The following MAPK4 variants were observed in gnomAD, a reference collection of about 807,000 sequenced individuals.
MAPK4 encodes the protein mitogen-activated protein kinase 4.
A neutral mutation model predicts 47.7 loss-of-function variants in MAPK4; 22 were observed. The ratio of observed to expected loss-of-function variants is 0.46; its 90% CI spans 0.33 to 0.66. The LOEUF (loss-of-function observed/expected upper bound fraction) is 0.66. Ranked by LOEUF, MAPK4 falls within the 30% of genes least tolerant of loss-of-function variation. The pLI, the probability that MAPK4 is intolerant of heterozygous loss-of-function variation, is 0.02. For synonymous variants in MAPK4, 390 were observed against 365.7 expected, an observed-to-expected ratio of 1.07 and a Z score of -0.76; for missense variants, 736 against 831.7, an observed-to-expected ratio of 0.88 and a Z score of 1.42.
At chr18:50,574,911 A>G (rs1305794053) in intron 1 of MAPK4, among the ~76,000 whole-genome samples, 3 of 152,194 alleles carry the variant, frequency 2.0e-5, no homozygotes, top group African/African-American at 7.2e-5. Context: ...GGAGGGATTA[A>G]TGGTAATTTT....
chr18:50,570,888 T>C (rs1230078887), intron 1 of MAPK4, among the ~76,000 whole-genome samples: 5 of 152,170 alleles, frequency 3.3e-5, no homozygotes, highest in Non-Finnish European at 7.3e-5. Flanking sequence ...GAACTTCTCA[T>C]CCTCCACCTT....
rs548304125 is a variant in MAPK4 at position 50,604,094 on chromosome 18, C to T, written c.-871+43851C>T. ...GAGTCATAGAAGTATAAGGACAAGACAAGAAAAAAAACTCAAATTCTGGGA... is the reference window on the plus strand; with the variant it reads ...GAGTCATAGAAGTATAAGGACAAGATAAGAAAAAAAACTCAAATTCTGGGA... On this transcript the variant is annotated intron_variant, in intron 1 of 5. Transcript: ENST00000400384. 2.2e-3 allele frequency among the ~76,000 whole-genome samples: 331 copies of T among 151,906 alleles called. 5 individuals carry two copies. Among genetic ancestry groups the T allele is most frequent in the Admixed American group, 0.02 (299 of 15,274 alleles).
chr18:50,682,829 C>A (rs187300063), intron 2 of MAPK4, among the ~76,000 whole-genome samples: 9 of 152,274 alleles, frequency 5.9e-5, no homozygotes, highest in Admixed American at 3.9e-4. Context: ...TAAAAGCTAC[C>A]CAAATGTCCA....
intron 1 of MAPK4, among the ~76,000 whole-genome samples, chr18:50,606,397 GT>G (rs1343496046): frequency 6.6e-6 from 1 of 150,848 alleles, no homozygotes; most frequent in African/African-American, 2.5e-5. Context: ...CCTGTTCAAA[GT>G]AGTGCTTGAG....
chr18:50,619,986 C>T (rs1435086960), intron 1 of MAPK4, among the ~76,000 whole-genome samples: 3 of 152,232 alleles, frequency 2.0e-5, no homozygotes, highest in African/African-American at 7.2e-5. Flanking sequence ...ATTGGCTCCC[C>T]CAAGGAAATG....
chr18:50,662,954 G>A (rs1000116454), intron 1 of MAPK4, 135 bp from the exon 2 acceptor site: 3 of 152,256 alleles, frequency 2.0e-5, no homozygotes, highest in African/African-American at 7.2e-5. Flanking sequence ...GCAAAGCCCC[G>A]GAATCCCCTG....
intron 1 of MAPK4, among the ~76,000 whole-genome samples, chr18:50,609,340 C>T (rs1325859253): frequency 1.5e-4 from 23 of 151,066 alleles, no homozygotes; most frequent in Non-Finnish European, 2.4e-4. Flanking sequence ...GGCGGCCGGG[C>T]GGAGGCGCCC....
At position 50,712,780 on chromosome 18, in the gene MAPK4, CAG is replaced by C. The variant is rs1910446522; in HGVS notation, c.547-2295_547-2294del. Among the ~76,000 whole-genome samples the C allele has an allele frequency of 2.0e-5, 3 of 152,304 alleles. No homozygotes were observed. The South Asian group carries it at 6.2e-4, about 32-fold the overall frequency. On this transcript the variant is annotated intron_variant, in intron 2 of 5. Transcript: ENST00000400384. Reference sequence around the variant, plus strand: ...CATAAAAGACTGTGCATTTACATATCAGAGAAAACTCCCCTGAAGCTACCTCC... The same window carrying C: ...CATAAAAGACTGTGCATTTACATATCAGAAAACTCCCCTGAAGCTACCTCC...
intron 3 of MAPK4, among the ~76,000 whole-genome samples, chr18:50,715,429 A>G (rs1308808524): frequency 2.2e-4 from 33 of 152,222 alleles, no homozygotes; most frequent in Non-Finnish European, 4.4e-5. Flanking sequence ...CCTTTTGAGC[A>G]CAGAAGTTTT....
At chr18:50,660,591 G>C (rs2043159844) in intron 1 of MAPK4, among the ~76,000 whole-genome samples, 1 of 152,182 alleles carries the variant, frequency 6.6e-6, no homozygotes, top group Non-Finnish European at 1.5e-5. Flanking sequence ...TAACAGCCCA[G>C]GCTAATGTAT....
At chr18:50,645,082 G>C (rs565734292) in intron 1 of MAPK4, among the ~76,000 whole-genome samples, 64 of 152,224 alleles carry the variant, frequency 4.2e-4, no homozygotes, top group Non-Finnish European at 7.5e-4. Context: ...GGGTGGCTGG[G>C]AGAGAGTGGC....
chr18:50,638,231 A>G (rs1164824714), intron 1 of MAPK4, among the ~76,000 whole-genome samples: 1 of 152,230 alleles, frequency 6.6e-6, no homozygotes, highest in Admixed American at 6.5e-5. Flanking sequence ...TCTCTGCCTC[A>G]TTTTAGATTG....
chr18:50,569,501 A>G (rs903122413), intron 1 of MAPK4, among the ~76,000 whole-genome samples: 1 of 152,210 alleles, frequency 6.6e-6, no homozygotes, highest in African/African-American at 2.4e-5. Flanking sequence ...AGATGACATG[A>G]AGCCAGACTA....
At chr18:50,712,236 G>A (rs1206636223) in intron 2 of MAPK4, among the ~76,000 whole-genome samples, 2 of 152,136 alleles carry the variant, frequency 1.3e-5, no homozygotes, top group East Asian at 3.9e-4. Flanking sequence ...AGACTAGCTT[G>A]GGCAACATGA....
intron 1 of MAPK4, among the ~76,000 whole-genome samples, chr18:50,581,611 T>G (rs1005579983): frequency 1.3e-5 from 2 of 152,194 alleles, no homozygotes; most frequent in African/African-American, 4.8e-5. Flanking sequence ...TGTCAAATAA[T>G]TTTTGAACAT....
At chr18:50,603,256 G>C (rs2042555407) in intron 1 of MAPK4, among the ~76,000 whole-genome samples, 1 of 152,156 alleles carries the variant, frequency 6.6e-6, no homozygotes, top group Admixed American at 6.5e-5. Flanking sequence ...AGCCACCCCA[G>C]AGCTCAGCCA....
chr18:50,674,648 C>A (rs547448572), intron 2 of MAPK4, among the ~76,000 whole-genome samples: 1 of 152,324 alleles, frequency 6.6e-6, no homozygotes, highest in African/African-American at 2.4e-5. Flanking sequence ...TGTCCCACCT[C>A]TGTGAAGCTT....
chr18:50,575,218 A>AG (rs1261026450), intron 1 of MAPK4, among the ~76,000 whole-genome samples: 21 of 152,158 alleles, frequency 1.4e-4, no homozygotes, highest in Non-Finnish European at 2.8e-4. Context: ...TCCCCTCTGG[A>AG]GGATGCAGGG....
chr18:50,568,145 G>A (rs2042217794), intron 1 of MAPK4, among the ~76,000 whole-genome samples: 1 of 150,548 alleles, frequency 6.6e-6, no homozygotes, highest in Admixed American at 6.6e-5. Context: ...GCAGTGAGCC[G>A]AGATCGGGCC....
Sources: allele counts gnomAD v4.1 joint callset (sites outside exome capture counted in the v4.1 genomes callset), GRCh38; gene constraint gnomAD v4.1.1; transcripts MANE v1.5; gene names NCBI Gene and HGNC (gene_info 2026-07-23, HGNC 2026-07-21).